GPHN: variants seen among roughly 807,000 people sequenced by gnomAD.
GPHN encodes gephyrin.
A neutral mutation model predicts 95.5 loss-of-function variants in GPHN; 17 were observed. That is an observed-to-expected ratio of 0.18 (90% CI 0.12 to 0.27). The LOEUF is 0.27. Among genes scored for constraint, GPHN ranks in the 10% least tolerant of loss-of-function variants. The pLI, the probability that GPHN is intolerant of heterozygous loss-of-function variation, is 1.00. For synonymous variants in GPHN, 320 were observed against 322.5 expected (o/e 0.99, Z 0.08); for missense variants, 660 against 978.1 (o/e 0.67, Z 4.34).
At chr14:67,698,142 T>G in the GPHN span, among the ~76,000 whole-genome samples, 1 of 152,254 alleles carries the variant, frequency 6.6e-6, no homozygotes, top group Admixed American at 6.5e-5. Flanking sequence ...CAGGGTCTAT[T>G]GTGCCCTTAA....
chr14:67,644,385 CAG>C, the GPHN span, among the ~76,000 whole-genome samples: 1 of 152,204 alleles, frequency 6.6e-6, no homozygotes, highest in African/African-American at 2.4e-5. Flanking sequence ...TTCAGTCACA[CAG>C]CTCTTCCAGG....
At chr14:67,632,976 A>T in the GPHN span, among the ~76,000 whole-genome samples, 3 of 151,148 alleles carry the variant, frequency 2.0e-5, no homozygotes, top group Non-Finnish European at 3.0e-5. Context: ...GCCCGCCACC[A>T]CGCCCGGCTA....
At chr14:67,722,767 G>T in the GPHN span, 3 of 1,376,316 alleles carry the variant, frequency 2.2e-6, no homozygotes, top group Non-Finnish European at 1.0e-6. Context: ...ACTGGAAGCC[G>T]GTTCTCAGCT....
chr14:67,713,328 G>A, the GPHN span, among the ~76,000 whole-genome samples: 5 of 142,294 alleles, frequency 3.5e-5, no homozygotes, highest in Admixed American at 3.7e-4. Flanking sequence ...CTCCATAAAG[G>A]AGTTACCTGC....
chr14:67,521,231 T>C, the GPHN span, among the ~76,000 whole-genome samples: 8,947 of 152,312 alleles, frequency 0.059, 360 homozygotes, highest in South Asian at 0.15. Context: ...TTAGGTAACT[T>C]CATAAATTAC....
the GPHN span, among the ~76,000 whole-genome samples, chr14:67,267,907 CTTA>C: frequency 1.3e-5 from 2 of 152,142 alleles, no homozygotes; most frequent in African/African-American, 4.8e-5. Context: ...TTTGTCCTTT[CTTA>C]TTGCATTTTT....
chr14:67,648,314 A>C, the GPHN span: 1 of 1,009,408 alleles, frequency 9.9e-7, no homozygotes, highest in Non-Finnish European at 1.4e-6. Flanking sequence ...TTTGTAGCTA[A>C]AAATTATATG....
At chr14:66,711,662 G>T (rs1275607453) in intron 2 of GPHN, among the ~76,000 whole-genome samples, 4 of 150,514 alleles carry the variant, frequency 2.7e-5, no homozygotes, top group African/African-American at 9.8e-5. Context: ...TGTTACATAG[G>T]TATACATGTG....
At chr14:66,834,746 G>C (rs1373774710) in intron 4 of GPHN, among the ~76,000 whole-genome samples, 1 of 151,232 alleles carries the variant, frequency 6.6e-6, no homozygotes, top group Non-Finnish European at 1.5e-5. Flanking sequence ...CCCGGCTTTG[G>C]TATCAGAATG....
intron 1 of GPHN, chr14:66,551,303 T>A (rs1335403563): frequency 2.0e-5 from 3 of 152,280 alleles, no homozygotes; most frequent in African/African-American, 7.2e-5. Flanking sequence ...TCCTTTACCC[T>A]GTCTTTCAGT....
chr14:67,208,134 G>A, the GPHN span: 319 of 1,586,660 alleles, frequency 2.0e-4, no homozygotes, highest in African/African-American at 3.9e-3. Context: ...ATTCGATACT[G>A]TTCCACAAAC....
At chr14:67,080,401 T>C (rs2076644945) in intron 11 of GPHN, among the ~76,000 whole-genome samples, 1 of 152,018 alleles carries the variant, frequency 6.6e-6, no homozygotes, top group Non-Finnish European at 1.5e-5. Context: ...ATGCACAAAA[T>C]ATTTCTGTTA....
the GPHN span, among the ~76,000 whole-genome samples, chr14:67,544,821 G>T: frequency 6.6e-6 from 1 of 152,210 alleles, no homozygotes; most frequent in Non-Finnish European, 1.5e-5. Context: ...AAATCATCCA[G>T]AATGCTGCCT....
intron 5 of GPHN, among the ~76,000 whole-genome samples, chr14:66,883,625 A>G (rs776067334): frequency 5.3e-5 from 8 of 151,860 alleles, no homozygotes; most frequent in Non-Finnish European, 1.2e-4. Context: ...AAATTATTTA[A>G]CTCCTGTTAA....
chr14:67,029,378 CCCAGGCTGGT>C (rs1462002691), intron 10 of GPHN, among the ~76,000 whole-genome samples: 3 of 149,568 alleles, frequency 2.0e-5, no homozygotes, highest in Non-Finnish European at 4.4e-5. Context: ...GCTCTTGTTG[CCCAGGCTGGT>C]GTGCAATGGC....
At chr14:66,589,020 C>G (rs561188348) in intron 1 of GPHN, among the ~76,000 whole-genome samples, 1 of 152,210 alleles carries the variant, frequency 6.6e-6, no homozygotes, top group African/African-American at 2.4e-5. Flanking sequence ...GGCCATCAGA[C>G]TAACAGTGGA....
the GPHN span, chr14:67,386,148 G>C: frequency 2.6e-5 from 4 of 152,510 alleles, no homozygotes; most frequent in African/African-American, 9.7e-5. Flanking sequence ...AACACCTATC[G>C]ATATTCAAAA....
At chr14:67,162,260 G>A (rs932872420) in intron 19 of GPHN, among the ~76,000 whole-genome samples, 3 of 152,180 alleles carry the variant, frequency 2.0e-5, no homozygotes, top group Non-Finnish European at 4.4e-5. Flanking sequence ...AAATGCAGTG[G>A]AAGGAAGAAG....
chr14:67,353,043 A>C, the GPHN span: 1 of 1,596,686 alleles, frequency 6.3e-7, no homozygotes, highest in South Asian at 1.1e-5. Flanking sequence ...TCTGTGCCCT[A>C]TATAAACATA....
Sources: gnomAD v4.1 joint callset for allele counts (sites outside exome capture counted in the v4.1 genomes callset) on GRCh38, gnomAD v4.1.1 for gene constraint, MANE v1.5 for transcripts, NCBI Gene and HGNC (gene_info 2026-07-23, HGNC 2026-07-21) for gene names.